The following TPTE2 variants were observed in gnomAD, a reference collection of about 807,000 sequenced individuals.
The protein encoded by TPTE2 is transmembrane phosphoinositide 3-phosphatase and tensin homolog 2.
TPTE2 carries 53 observed loss-of-function variants against 78.6 expected under a neutral mutation model. The ratio of observed to expected loss-of-function variants is 0.67; its 90% CI spans 0.54 to 0.85. The LOEUF is 0.85. TPTE2 is among the 40% of genes least tolerant of loss of function. TPTE2 has a pLI of 0.00. For missense variants in TPTE2, 461 were observed against 623.0 expected (o/e 0.74, Z 2.77); for synonymous variants, 175 against 206.2 (o/e 0.85, Z 1.30).
chr13:19,436,482 A>G (rs560758192), intron 14 of TPTE2, among the ~76,000 whole-genome samples, 176 bp from the exon 18 acceptor site: 3 of 152,224 alleles, frequency 2.0e-5, no homozygotes, highest in African/African-American at 7.2e-5. Flanking sequence ...GCAGGATCTA[A>G]GCTCACTGCA....
chr13:19,430,135 G>C (rs1876448371), intron 17 of TPTE2, among the ~76,000 whole-genome samples: 1 of 152,192 alleles, frequency 6.6e-6, no homozygotes, highest in Non-Finnish European at 1.5e-5. Context: ...TGACTGAGAA[G>C]AAGAGAATAT....
chr13:19,497,269 CA>C (rs1881399777), intron 1 of TPTE2, among the ~76,000 whole-genome samples: 2 of 119,288 alleles, frequency 1.7e-5, no homozygotes, highest in Admixed American at 8.9e-5. Flanking sequence ...ACAAAGCAGC[CA>C]GGAAGCTCGA....
chr13:19,560,394 T>C, the TPTE2 span: 1 of 1,608,794 alleles, frequency 6.2e-7, no homozygotes, highest in South Asian at 1.1e-5. Context: ...CAGCTGCCCG[T>C]GCCCCCTCTT....
At chr13:19,461,886 A>T (rs376481530) in intron 10 of TPTE2, among the ~76,000 whole-genome samples, 35 of 145,698 alleles carry the variant, frequency 2.4e-4, no homozygotes, top group South Asian at 1.3e-3. Flanking sequence ...GTCTGTATGA[A>T]CCTTTACAGG....
intron 3 of TPTE2, among the ~76,000 whole-genome samples, chr13:19,491,978 T>C (rs1262180922): frequency 2.0e-5 from 3 of 151,952 alleles, no homozygotes; most frequent in Admixed American, 2.0e-4. Context: ...ACAGAATTCT[T>C]ACCTAGATGT....
At chr13:19,517,140 C>T (rs1036583020) in intron 1 of TPTE2, among the ~76,000 whole-genome samples, 18 of 152,154 alleles carry the variant, frequency 1.2e-4, no homozygotes, top group East Asian at 1.9e-4. Flanking sequence ...CTGCTTCCAG[C>T]GCCACTGCCA....
the TPTE2 span, among the ~76,000 whole-genome samples, chr13:19,546,471 T>C: frequency 7.1e-6 from 1 of 141,500 alleles, no homozygotes; most frequent in Non-Finnish European, 1.5e-5. Context: ...TTTTGGGTTT[T>C]TTTTTCTTTT....
chr13:19,448,536 C>A (rs117629189), intron 13 of TPTE2, among the ~76,000 whole-genome samples: 1 of 152,030 alleles, frequency 6.6e-6, no homozygotes, highest in Non-Finnish European at 1.5e-5. Flanking sequence ...TATTTCCCAA[C>A]GGAAATGGCC....
chr13:19,449,067 T>C (rs1443834946), intron 13 of TPTE2, among the ~76,000 whole-genome samples: 1 of 152,182 alleles, frequency 6.6e-6, no homozygotes, highest in Non-Finnish European at 1.5e-5. Flanking sequence ...CACTTATTTG[T>C]GGAATCTAAA....
chr13:19,428,084 G>A (rs1384071383), intron 17 of TPTE2, among the ~76,000 whole-genome samples: 1 of 152,176 alleles, frequency 6.6e-6, no homozygotes, highest in African/African-American at 2.4e-5. Context: ...TTTAGATAAA[G>A]GAAGAAGAGC....
chr13:19,518,878 T>C lies in TPTE2; in HGVS notation c.-43-15601A>G, dbSNP rs1359850499. 3.9e-5 allele frequency among the ~76,000 whole-genome samples: 6 copies of C among 152,296 alleles called. No homozygotes were observed. The East Asian group carries it at 7.7e-4, about 20-fold the overall frequency. On this transcript the variant is annotated intron_variant, in intron 1 of 17. Coordinates refer to the TPTE2 transcript ENST00000390680. ...CAAAAACTAGAGAGATGGGTGACTA[T>C]AGAAAATCACAGTTTACCTGAGAGC...
chr13:19,523,717 C>T (rs1593418589), intron 1 of TPTE2, among the ~76,000 whole-genome samples: 1 of 152,126 alleles, frequency 6.6e-6, no homozygotes, highest in Non-Finnish European at 1.5e-5. Flanking sequence ...CTCAGGTTAT[C>T]GTCCCACCTC....
chr13:19,507,798 C>T, upstream of TPTE2, among the ~76,000 whole-genome samples: 1 of 152,194 alleles, frequency 6.6e-6, no homozygotes, highest in East Asian at 1.9e-4. Context: ...CAGCTGTACC[C>T]AGTTGTAACC....
intron 14 of TPTE2, 63 bp downstream of exon 17, chr13:19,438,028 GC>G: frequency 6.4e-7 from 1 of 1,574,368 alleles, no homozygotes; most frequent in Non-Finnish European, 8.6e-7. Flanking sequence ...CGTCCTACCA[GC>G]GATCTTTCAG....
chr13:19,556,407 A>G, the TPTE2 span, among the ~76,000 whole-genome samples: 8 of 152,216 alleles, frequency 5.3e-5, no homozygotes, highest in Admixed American at 3.9e-4. Context: ...TACATGAATG[A>G]GATATAGCCC....
the TPTE2 span, among the ~76,000 whole-genome samples, chr13:19,544,415 GA>G: frequency 1.9e-5 from 1 of 52,666 alleles, no homozygotes; most frequent in African/African-American, 3.8e-5. Context: ...ATGAATCAAT[GA>G]ATGAATGAAG....
intron 7 of TPTE2, among the ~76,000 whole-genome samples, 162 bp downstream of exon 10, chr13:19,467,063 G>A (rs1344598091): frequency 6.6e-6 from 1 of 152,022 alleles, no homozygotes; most frequent in African/African-American, 2.4e-5. Flanking sequence ...CAATCTTTTA[G>A]TTTCAAAGTA....
At chr13:19,468,306 G>T (rs1479233062) in intron 6 of TPTE2, among the ~76,000 whole-genome samples, 4 of 151,998 alleles carry the variant, frequency 2.6e-5, no homozygotes, top group South Asian at 4.2e-4. Flanking sequence ...CTCCCAAAGT[G>T]CTGGGATTAC....
At chr13:19,460,600 G>A (rs1361340800) in intron 10 of TPTE2, among the ~76,000 whole-genome samples, 1 of 151,996 alleles carries the variant, frequency 6.6e-6, no homozygotes, top group Non-Finnish European at 1.5e-5. Context: ...ATCCATCCAT[G>A]TTCTCTAGTC....
Sources: allele counts gnomAD v4.1 joint callset (sites outside exome capture counted in the v4.1 genomes callset), GRCh38; gene constraint gnomAD v4.1.1; transcripts MANE v1.5; gene names NCBI Gene and HGNC (gene_info 2026-07-23, HGNC 2026-07-21).